Variants in PALLD observed in about 807,000 individuals in gnomAD.
PALLD encodes palladin.
PALLD carries 61 observed loss-of-function variants against 123.5 expected under a neutral mutation model. The ratio of observed to expected loss-of-function variants is 0.49; its 90% CI spans 0.40 to 0.61. The LOEUF is 0.61. PALLD is among the 20% of genes least tolerant of loss of function. PALLD has a pLI of 0.00. For synonymous variants in PALLD, 465 were observed against 496.4 expected (o/e 0.94, Z 0.84); for missense variants, 1,273 against 1,377.0 (o/e 0.92, Z 1.20).
chr4:168,675,908 T>C (rs1242870001), intron 3 of PALLD, among the ~76,000 whole-genome samples: 1 of 151,376 alleles, frequency 6.6e-6, no homozygotes, highest in African/African-American at 2.4e-5. Context: ...ATAAAAAAAA[T>C]AGCCAGGCAT....
At chr4:168,623,828 AAAC>A (rs1485226940) in intron 2 of PALLD, among the ~76,000 whole-genome samples, 20 of 152,232 alleles carry the variant, frequency 1.3e-4, no homozygotes. Flanking sequence ...CACATTCATC[AAAC>A]AACACAGTAG....
At chr4:168,739,534 T>C (rs543535559) in intron 10 of PALLD, among the ~76,000 whole-genome samples, 1 of 152,328 alleles carries the variant, frequency 6.6e-6, no homozygotes, top group Admixed American at 6.5e-5. Context: ...CAGAAAGTTG[T>C]TGTATATTTC....
chr4:168,803,317 C>G (rs1331857603), intron 10 of PALLD, among the ~76,000 whole-genome samples: 2 of 152,018 alleles, frequency 1.3e-5, no homozygotes, highest in Non-Finnish European at 2.9e-5. Flanking sequence ...GCCACACACT[C>G]TTAAACAACC....
intron 13 of PALLD, among the ~76,000 whole-genome samples, chr4:168,897,473 GT>G (rs1245936251): frequency 1.3e-5 from 2 of 152,010 alleles, no homozygotes; most frequent in Non-Finnish European, 2.9e-5. Flanking sequence ...TGGAGACAGG[GT>G]CTCACTCTTT....
At chr4:168,878,532 G>A (rs1489728159) in intron 10 of PALLD, 4 of 598,986 alleles carry the variant, frequency 6.7e-6, no homozygotes, top group Non-Finnish European at 1.1e-5. Flanking sequence ...TTCTCTCCGT[G>A]CGATGTAAAA....
At chr4:168,887,318 G>T (rs1231961350) in intron 10 of PALLD, among the ~76,000 whole-genome samples, 2 of 152,054 alleles carry the variant, frequency 1.3e-5, no homozygotes, top group African/African-American at 4.8e-5. Context: ...GCTTCCCAAG[G>T]AACAGGACTT....
At chr4:168,802,530 C>T (rs1423516133) in intron 10 of PALLD, among the ~76,000 whole-genome samples, 1 of 152,144 alleles carries the variant, frequency 6.6e-6, no homozygotes, top group Non-Finnish European at 1.5e-5. Flanking sequence ...ACATTGAGCA[C>T]ACATGGACAT....
intron 1 of PALLD, among the ~76,000 whole-genome samples, chr4:168,508,407 C>T (rs1035786049): frequency 9.9e-5 from 15 of 152,220 alleles, no homozygotes; most frequent in African/African-American, 3.1e-4. Flanking sequence ...CCGTCCCTAG[C>T]GCACTACCAG....
At chr4:168,522,874 G>C (rs1488001901) in intron 2 of PALLD, among the ~76,000 whole-genome samples, 2 of 152,088 alleles carry the variant, frequency 1.3e-5, no homozygotes, top group African/African-American at 4.8e-5. Flanking sequence ...CTGTGATAGA[G>C]AAATCCAATC....
intron 10 of PALLD, among the ~76,000 whole-genome samples, chr4:168,828,012 GC>G (rs1743658094): frequency 1.3e-5 from 2 of 152,204 alleles, no homozygotes; most frequent in Admixed American, 1.3e-4. Flanking sequence ...TTGCACTCCA[GC>G]CCGGGTAACA....
intron 10 of PALLD, among the ~76,000 whole-genome samples, chr4:168,721,078 T>C (rs1045673977): frequency 6.6e-6 from 1 of 152,222 alleles, no homozygotes; most frequent in East Asian, 1.9e-4. Flanking sequence ...TTGGAAATAC[T>C]TGCAGATACC....
At chr4:168,530,072 AT>A (rs915102750) in intron 2 of PALLD, among the ~76,000 whole-genome samples, 102 of 152,332 alleles carry the variant, frequency 6.7e-4, no homozygotes, top group African/African-American at 2.2e-3. Flanking sequence ...ACTGTAAAGA[AT>A]TAGAAGTTTT....
intron 15 of PALLD, among the ~76,000 whole-genome samples, chr4:168,908,245 TA>T (rs1242681537): frequency 5.9e-5 from 9 of 152,210 alleles, no homozygotes; most frequent in African/African-American, 2.2e-4. Context: ...AGTCATCACT[TA>T]AAAATTGGAG....
intron 10 of PALLD, among the ~76,000 whole-genome samples, chr4:168,835,712 T>G (rs1745080792): frequency 6.7e-6 from 1 of 149,284 alleles, no homozygotes; most frequent in African/African-American, 2.4e-5. Context: ...TTTTGTTGTT[T>G]TTTTGAGACA....
intron 10 of PALLD, among the ~76,000 whole-genome samples, chr4:168,783,298 G>A (rs1296432879): frequency 5.3e-5 from 8 of 152,070 alleles, no homozygotes; most frequent in African/African-American, 1.9e-4. Context: ...CTGATCTCCA[G>A]GAGCTCATAG....
At chr4:168,549,574 A>G (rs890403970) in intron 2 of PALLD, among the ~76,000 whole-genome samples, 3 of 152,200 alleles carry the variant, frequency 2.0e-5, no homozygotes, top group Non-Finnish European at 4.4e-5. Flanking sequence ...TTTTTAACCC[A>G]GTACATTCCC....
rs540367961 is a variant in PALLD at position 168,538,838 on chromosome 4, G to A, written c.908+26426G>A. ...ATTGTGCAAGTGGGTGATTACCCGC[G>A]ATTGGTGTCTGTTACAGTCATTGTG... On this transcript the variant is annotated intron_variant, in intron 2 of 21. Transcript: ENST00000505667. Among the ~76,000 whole-genome samples the A allele has an allele frequency of 4.6e-5, 7 of 152,278 alleles. No individual in the cohort carries two copies. The South Asian group carries it at 1.2e-3, about 27-fold the overall frequency.
Position 168,511,818 on chromosome 4 carries a change from T to C in PALLD, c.314T>C (p.Leu105Pro). 6.2e-7 allele frequency: 1 copy of C among 1,614,174 alleles called. No individual in the cohort carries two copies. Among genetic ancestry groups the C allele is most frequent in the Non-Finnish European group, 8.5e-7 (1 of 1,180,022 alleles). Residue 105 changes from leucine (L) to proline (P), a missense_variant, in exon 2 of 22, where the codon CTG becomes CCG. Physicochemically the swap from Leu to Pro is moderately conservative, Grantham distance 98. Around this residue, in one of 2 missense-constraint regions of PALLD, gnomAD observed 944 missense variants for 954.5 expected, o/e 0.99. Coordinates refer to ENST00000505667, the MANE Select transcript of PALLD (RefSeq NM_001166108.2). ...AACAGGTCAACACCTGTCCAGCCTC[T>C]GGCAGAGAAACAAACTAAGAGTATC... Reference protein sequence around the residue: ...QDNRSTPVQPLAEKQTKSISS... With the variant: ...QDNRSTPVQPPAEKQTKSISS...
intron 10 of PALLD, among the ~76,000 whole-genome samples, chr4:168,722,205 C>G (rs1030163488): frequency 1.3e-5 from 2 of 152,056 alleles, no homozygotes; most frequent in African/African-American, 4.8e-5. Flanking sequence ...ACACCACACC[C>G]AGCTATTTTT....
Sources: gnomAD v4.1 joint callset for allele counts (sites outside exome capture counted in the v4.1 genomes callset) on GRCh38, gnomAD v4.1.1 for gene constraint, gnomAD v4.1.1 regional missense constraint, MANE v1.5 for transcripts, NCBI Gene and HGNC (gene_info 2026-07-23, HGNC 2026-07-21) for gene names.